Variants in ZSWIM2 observed in about 807,000 individuals in gnomAD.
ZSWIM2 encodes E3 ubiquitin-protein ligase ZSWIM2.
A neutral mutation model predicts 48.4 loss-of-function variants in ZSWIM2; 38 were observed. That is an observed-to-expected ratio of 0.79 (90% CI 0.61 to 1.03). The LOEUF (loss-of-function observed/expected upper bound fraction) is 1.03. ZSWIM2 is among the 50% of genes least tolerant of loss of function. The pLI is 0.00. For missense variants in ZSWIM2, 776 were observed against 730.2 expected, an observed-to-expected ratio of 1.06 and a Z score of -0.72; for synonymous variants, 240 against 251.3, an observed-to-expected ratio of 0.96 and a Z score of 0.42.
chr2:186,833,861 A>G (rs1456245062), intron 6 of ZSWIM2, 85 bp downstream of exon 6: 1 of 1,085,926 alleles, frequency 9.2e-7, no homozygotes, highest in Non-Finnish European at 1.4e-6. Flanking sequence ...CCACAGTGTT[A>G]TGTATTCTTC....
chr2:186,828,665 A>G lies in ZSWIM2; in HGVS notation c.1221T>C (p.Ser407=), dbSNP rs150308654. 6.8e-6 allele frequency: 11 copies of G among 1,613,204 alleles called. No homozygotes were observed. The highest frequency in any genetic ancestry group is 2.7e-5 in the African/African-American group (2 of 74,900). The change falls in exon 9 of 9, where the codon TCT becomes TCC. Residue 407 remains serine, a synonymous_variant. Transcript: ENST00000295131. ...NSAVNGQAHQ[S]VSNRDIIHLS... is the part of the protein sequence containing the mutation. ...GATGAATGATGTCTCTGTTTGAAAC[A>G]GACTGATGTGCTTGTCCATTCACTG...
chr2:186,829,120 T>G (rs1045759823), intron 8 of ZSWIM2, among the ~76,000 whole-genome samples: 1 of 152,078 alleles, frequency 6.6e-6, no homozygotes, highest in Admixed American at 6.5e-5. Flanking sequence ...CAACTGGGGT[T>G]GAAAATGGAT....
intron 4 of ZSWIM2, 72 bp from the exon 5 acceptor site, chr2:186,837,626 ATATT>A (rs911903587): frequency 2.4e-6 from 1 of 409,776 alleles, no homozygotes; most frequent in Non-Finnish European, 3.4e-6. Flanking sequence ...ATATATATAT[ATATT>A]ATATATATAT....
In ZSWIM2 at chr2:186,828,019, C is replaced by A; in HGVS notation, c.1867G>T (p.Glu623Ter). The A allele has an allele frequency of 6.2e-7, 1 of 1,607,448 alleles. No homozygotes were observed. The highest frequency in any genetic ancestry group is 1.1e-5 in the South Asian group (1 of 90,000). Residue 623 changes from glutamate to a stop codon, truncating the protein, a stop_gained, in exon 9 of 9, where the codon GAG becomes TAG. Coordinates refer to ENST00000295131, the MANE Select transcript of ZSWIM2 (RefSeq NM_182521.3). LOFTEE classifies it high-confidence loss of function. ...VSHSVNTKST[E>*]LSLIIEGVQL ...ACTCCTTCTATTATTAAAGATAGCT[C>A]AGTACTTTTTGTATTTACAGAGTGA... is the stretch of plus-strand genomic sequence containing the variant.
At chr2:186,832,836 T>C in intron 7 of ZSWIM2, among the ~76,000 whole-genome samples, 1 of 152,192 alleles carries the variant, frequency 6.6e-6, no homozygotes, top group East Asian at 1.9e-4. Flanking sequence ...ACAAGGTTGG[T>C]TTTAACAATT....
chr2:186,828,266 A>C lies in ZSWIM2; in HGVS notation c.1620T>G (p.Ser540Arg). ...TACAGCCTTTGGTCATCCGGCTTAG[A>C]CTAGTGTGAAATTTTCCACTGATGC... ...SPCISGKFHT[S>R]LSRMTKGCKC... The change falls in exon 9 of 9, where the codon AGT becomes AGG. Residue 540 changes from serine to arginine, a missense_variant. Coordinates refer to ENST00000295131, the MANE Select transcript of ZSWIM2 (RefSeq NM_182521.3). 1 of 1,613,728 alleles carries C rather than the reference A, an allele frequency of 6.2e-7. No homozygotes were observed. Among genetic ancestry groups the C allele is most frequent in the Non-Finnish European group, 8.5e-7 (1 of 1,179,820 alleles).
intron 1 of ZSWIM2, 89 bp from the exon 2 acceptor site, chr2:186,847,884 A>G (rs906889142): frequency 2.2e-6 from 2 of 921,608 alleles, no homozygotes; most frequent in East Asian, 5.1e-5. Flanking sequence ...TGAAGAGGTA[A>G]TTTAGTTTAG....
At chr2:186,841,352 A>T (rs111866077) in intron 3 of ZSWIM2, among the ~76,000 whole-genome samples, 1 of 151,080 alleles carries the variant, frequency 6.6e-6, no homozygotes, top group Non-Finnish European at 1.5e-5. Context: ...TGCTGTTAAT[A>T]TCTTTGTATG....
Position 186,847,712 on chromosome 2 carries a change from C to A in ZSWIM2, c.242+7G>T. 6.3e-7 allele frequency: 1 copy of A among 1,590,550 alleles called. No homozygotes were observed. Among genetic ancestry groups the A allele is most frequent in the Non-Finnish European group, 8.6e-7 (1 of 1,166,988 alleles). ...CATGGAAGATCTTCATTTGAAAAGT[C>A]ACTTACCAGCAGATATGCTTACAAA... On this transcript the variant is annotated splice_region_variant and intron_variant, in intron 2 of 8. Coordinates refer to ENST00000295131, the MANE Select transcript of ZSWIM2 (RefSeq NM_182521.3).
intron 3 of ZSWIM2, 131 bp downstream of exon 3, chr2:186,844,586 T>G: frequency 1.2e-6 from 1 of 856,404 alleles, no homozygotes; most frequent in Non-Finnish European, 1.7e-6. Context: ...GCTGAGCTAC[T>G]GATAGTTACG....
In ZSWIM2 at chr2:186,833,175, T is replaced by G. The variant is rs771479870; in HGVS notation, c.886A>C (p.Ile296Leu). The G allele has an allele frequency of 7.3e-5, 113 of 1,540,046 alleles. No individual in the cohort carries two copies. The highest frequency in any genetic ancestry group is 5.1e-4 in the Middle Eastern group (3 of 5,904). ...TCTTCAATCTCATTTTTAGTATCTA[T>G]GTATTTTACAACTTCATCTGCTCTT... ...EKRADEVVKY[I>L]DTKNEIEEKM... Residue 296 changes from isoleucine to leucine, a missense_variant, in exon 7 of 9, where the codon ATA (isoleucine) becomes CTA (leucine). Ile to Leu is a conservative substitution (Grantham distance 5). Transcript: ENST00000295131.
chr2:186,827,759 C>G lies in ZSWIM2; in HGVS notation c.*225G>C, dbSNP rs1691622013. 3.4e-6 allele frequency: 1 copy of G among 290,930 alleles called. No homozygotes were observed. Among genetic ancestry groups the G allele is most frequent in the Non-Finnish European group, 6.3e-6 (1 of 159,024 alleles). The allele number at this position is 290,930 out of a possible 1,614,324, so 18.0% of individuals were successfully genotyped here. ...TAAGATAAAGGCTCTAAAAATTATT[C>G]ATTATTTATAACATCCTGAATATAT... On this transcript the variant is annotated 3_prime_UTR_variant, in exon 9 of 9. Transcript: ENST00000295131.
intron 3 of ZSWIM2, among the ~76,000 whole-genome samples, chr2:186,842,992 A>G (rs1691931964): frequency 6.9e-6 from 1 of 144,172 alleles, no homozygotes; most frequent in South Asian, 2.1e-4. Context: ...GATTTTGAAG[A>G]CAGTATAAAA....
Position 186,838,940 on chromosome 2 carries a change from TA to T in ZSWIM2, c.494+18del. On this transcript the variant is annotated intron_variant, in intron 4 of 8. Coordinates refer to ENST00000295131, the MANE Select transcript of ZSWIM2 (RefSeq NM_182521.3). ...GAATTTTTAATTAGTTTTAAGAATC[TA>T]AAGAAAAAGTACATCACCTGCAAAA... 1.3e-6 allele frequency: 2 copies of T among 1,595,626 alleles called. No individual in the cohort carries two copies. The highest frequency in any genetic ancestry group is 1.7e-6 in the Non-Finnish European group (2 of 1,172,004).
intron 3 of ZSWIM2, among the ~76,000 whole-genome samples, chr2:186,842,599 C>A (rs1422656437): frequency 6.6e-6 from 1 of 151,298 alleles, no homozygotes; most frequent in Non-Finnish European, 1.5e-5. Context: ...CATATACTAG[C>A]AATACATACG....
Position 186,847,716 on chromosome 2 carries a change from TACC to T in ZSWIM2, c.242_242+2del, listed in dbSNP as rs1692030909. On this transcript the variant is annotated splice_donor_variant and coding_sequence_variant, in exon 2 of 9. Coordinates refer to ENST00000295131, the MANE Select transcript of ZSWIM2 (RefSeq NM_182521.3). LOFTEE classifies it high-confidence loss of function. ...GAAGATCTTCATTTGAAAAGTCACT[TACC>T]AGCAGATATGCTTACAAAGTTCCCC... is the stretch of plus-strand genomic sequence containing the variant. 6.3e-7 allele frequency: 1 copy of T among 1,598,802 alleles called. No homozygotes were observed. The highest frequency in any genetic ancestry group is 1.7e-5 in the Admixed American group (1 of 58,574).
At chr2:186,848,638 C>T (rs538484112) in intron 1 of ZSWIM2, 21 of 237,948 alleles carry the variant, frequency 8.8e-5, no homozygotes, top group Middle Eastern at 1.6e-3. Context: ...CTAAGGACCA[C>T]TAACAACAGA....
At chr2:186,840,918 G>T (rs1691891687) in intron 3 of ZSWIM2, among the ~76,000 whole-genome samples, 1 of 151,384 alleles carries the variant, frequency 6.6e-6, no homozygotes, top group African/African-American at 2.4e-5. Context: ...AATGTTTGCA[G>T]TTTTATCCTA....
At chr2:186,830,403 G>T (rs1395963802) in intron 7 of ZSWIM2, among the ~76,000 whole-genome samples, 1 of 152,016 alleles carries the variant, frequency 6.6e-6, no homozygotes, top group African/African-American at 2.4e-5. Flanking sequence ...AAAGTTTTAA[G>T]TAGTCACATC....
Sources: gnomAD v4.1 joint callset for allele counts (sites outside exome capture counted in the v4.1 genomes callset) on GRCh38, gnomAD v4.1.1 for gene constraint, MANE v1.5 for transcripts, NCBI Gene and HGNC (gene_info 2026-07-23, HGNC 2026-07-21) for gene names.